The following KCNQ5 variants were observed in gnomAD, a reference collection of about 807,000 sequenced individuals.
KCNQ5 encodes potassium voltage-gated channel subfamily Q member 5, also known as potassium voltage-gated channel subfamily KQT member 5.
Under a neutral mutation model 98.2 loss-of-function variants are expected in KCNQ5, and 30 were observed. The observed-to-expected ratio is 0.31, with a 90% confidence interval of 0.23 to 0.41. The LOEUF is 0.41. Among genes scored for constraint, KCNQ5 ranks in the 10% least tolerant of loss-of-function variants. The pLI, the probability that KCNQ5 is intolerant of heterozygous loss-of-function variation, is 1.00. For missense variants in KCNQ5, 835 were observed against 1,182.5 expected (o/e 0.71, Z 4.31); for synonymous variants, 458 against 449.4 (o/e 1.02, Z -0.24).
intron 1 of KCNQ5, among the ~76,000 whole-genome samples, chr6:72,695,595 A>G (rs1426322383): frequency 6.6e-6 from 1 of 152,192 alleles, no homozygotes; most frequent in African/African-American, 2.4e-5. Context: ...GAACATATAC[A>G]TGCCATTTAG....
intron 3 of KCNQ5, among the ~76,000 whole-genome samples, chr6:73,066,082 G>T (rs1357764337): frequency 6.6e-6 from 1 of 152,282 alleles, no homozygotes; most frequent in Admixed American, 6.5e-5. Context: ...AGAGGCGGAG[G>T]TTGCAGTGAG....
intron 1 of KCNQ5, among the ~76,000 whole-genome samples, chr6:72,837,039 T>A (rs1459062170): frequency 6.6e-6 from 1 of 152,226 alleles, no homozygotes; most frequent in African/African-American, 2.4e-5. Flanking sequence ...ATTTCTGTTC[T>A]CATGTGGAAT....
chr6:72,704,116 A>G (rs1226719474), intron 1 of KCNQ5, among the ~76,000 whole-genome samples: 1 of 152,176 alleles, frequency 6.6e-6, no homozygotes, highest in African/African-American at 2.4e-5. Context: ...TTTCTGTTCT[A>G]GGGTTGAACT....
At chr6:73,034,855 T>C (rs900616742) in intron 2 of KCNQ5, among the ~76,000 whole-genome samples, 5 of 149,392 alleles carry the variant, frequency 3.3e-5, no homozygotes, top group African/African-American at 1.2e-4. Flanking sequence ...TTTTTTTTTT[T>C]TTTTTTTTGA....
chr6:72,888,493 G>T (rs1330383470), intron 1 of KCNQ5, among the ~76,000 whole-genome samples: 2 of 152,140 alleles, frequency 1.3e-5, no homozygotes, highest in Non-Finnish European at 2.9e-5. Context: ...ACCTTAAGCG[G>T]ACAAGAGTCA....
intron 3 of KCNQ5, among the ~76,000 whole-genome samples, chr6:73,073,756 T>C (rs1191473070): frequency 1.3e-5 from 2 of 152,212 alleles, no homozygotes; most frequent in African/African-American, 4.8e-5. Context: ...GGGCTGTCCA[T>C]AGTTTCTACC....
chr6:72,821,202 C>G (rs1435710536), intron 1 of KCNQ5, among the ~76,000 whole-genome samples: 2 of 152,064 alleles, frequency 1.3e-5, no homozygotes, highest in Non-Finnish European at 2.9e-5. Context: ...GAATATTTGG[C>G]CTAGTCACCC....
chr6:73,079,159 A>C (rs552256883), intron 5 of KCNQ5, among the ~76,000 whole-genome samples: 3 of 152,096 alleles, frequency 2.0e-5, no homozygotes, highest in African/African-American at 7.2e-5. Flanking sequence ...AAAATTAGCC[A>C]GGTGTGGTGG....
chr6:72,941,666 C>CTCTTTCTTTCTTTCTT (rs11266961), intron 1 of KCNQ5, among the ~76,000 whole-genome samples: 3 of 83,038 alleles, frequency 3.6e-5, no homozygotes, highest in African/African-American at 1.5e-4. Context: ...CCCTCCCCAT[C>CTCTTTCTTTCTTTCTT]TCTTTCTTTC....
At chr6:73,168,513 G>C (rs1456369897) in intron 10 of KCNQ5, among the ~76,000 whole-genome samples, 1 of 152,122 alleles carries the variant, frequency 6.6e-6, no homozygotes, top group Non-Finnish European at 1.5e-5. Flanking sequence ...GACCAGCCTG[G>C]CCAACATGGT....
Position 73,197,685 on chromosome 6 carries a change from G to A in KCNQ5, c.*2271G>A, listed in dbSNP as rs1366320133. 6.7e-6 allele frequency: 1 copy of A among 148,274 alleles called. No homozygotes were observed. Among genetic ancestry groups the A allele is most frequent in the Non-Finnish European group, 1.5e-5 (1 of 68,038 alleles). The allele number at this position is 148,274 out of a possible 1,614,324, so 9.2% of individuals were successfully genotyped here. A position where few individuals can be genotyped will look rare whatever the true frequency, so the allele number is the denominator to read the frequency against. On this transcript the variant is annotated 3_prime_UTR_variant, in exon 14 of 14. Transcript: ENST00000370398. ...GCCAGACACCTGCCGTGACTGGGCA[G>A]GCTCTCTCCCATTATTAACAGAGGA...
chr6:72,709,427 C>T (rs1460427659), intron 1 of KCNQ5, among the ~76,000 whole-genome samples: 1 of 152,170 alleles, frequency 6.6e-6, no homozygotes, highest in Non-Finnish European at 1.5e-5. Flanking sequence ...TTCTGTCATT[C>T]TCTTTTCTCC....
intron 10 of KCNQ5, among the ~76,000 whole-genome samples, chr6:73,153,472 G>C (rs1354768729): frequency 6.6e-6 from 1 of 152,144 alleles, no homozygotes; most frequent in Non-Finnish European, 1.5e-5. Flanking sequence ...GTATGTGTGT[G>C]TGCTGAATCA....
chr6:72,796,548 A>C (rs1329218739), intron 1 of KCNQ5, among the ~76,000 whole-genome samples: 1 of 152,206 alleles, frequency 6.6e-6, no homozygotes, highest in Admixed American at 6.5e-5. Flanking sequence ...AGACCATAGC[A>C]CTGTCCCTGT....
At chr6:72,746,148 T>C (rs1771394265) in intron 1 of KCNQ5, among the ~76,000 whole-genome samples, 1 of 147,560 alleles carries the variant, frequency 6.8e-6, no homozygotes, top group Non-Finnish European at 1.5e-5. Context: ...TCAACATTTC[T>C]TTATAGGAGA....
chr6:72,769,309 T>C (rs1582255264), intron 1 of KCNQ5, among the ~76,000 whole-genome samples: 1 of 152,118 alleles, frequency 6.6e-6, no homozygotes. Context: ...TACATACTTT[T>C]AAGGTAACAG....
intron 1 of KCNQ5, among the ~76,000 whole-genome samples, chr6:72,660,356 A>T (rs1021438640): frequency 3.3e-5 from 5 of 152,190 alleles, no homozygotes; most frequent in Admixed American, 3.3e-4. Context: ...TAGAGCGCGG[A>T]CATGAAAAAA....
chr6:72,876,268 G>C (rs1778406663), intron 1 of KCNQ5, among the ~76,000 whole-genome samples: 1 of 151,758 alleles, frequency 6.6e-6, no homozygotes, highest in Non-Finnish European at 1.5e-5. Flanking sequence ...ATATTCCATT[G>C]GTTTATGCAT....
intron 3 of KCNQ5, among the ~76,000 whole-genome samples, chr6:73,064,122 G>C (rs565219574): frequency 1.3e-5 from 2 of 152,194 alleles, no homozygotes; most frequent in Non-Finnish European, 2.9e-5. Flanking sequence ...TGTAACATCC[G>C]AGTAACACAG....
Sources: gnomAD v4.1 joint callset for allele counts (sites outside exome capture counted in the v4.1 genomes callset) on GRCh38, gnomAD v4.1.1 for gene constraint, MANE v1.5 for transcripts, NCBI Gene and HGNC (gene_info 2026-07-23, HGNC 2026-07-21) for gene names.